DGKB: variants seen among roughly 807,000 people sequenced by gnomAD.
DGKB encodes 90 kDa diacylglycerol kinase.
A neutral mutation model predicts 114.3 loss-of-function variants in DGKB; 67 were observed. That is an observed-to-expected ratio of 0.59 (90% CI 0.48 to 0.72). DGKB has a LOEUF of 0.72. Among genes scored for constraint, DGKB ranks in the 30% least tolerant of loss-of-function variants. The pLI is 0.00. For missense variants in DGKB, 907 were observed against 975.2 expected (o/e 0.93, Z 0.93); for synonymous variants, 398 against 323.1 (o/e 1.23, Z -2.49).
chr7:14,223,951 C>T (rs958733702), intron 23 of DGKB, among the ~76,000 whole-genome samples: 1 of 151,498 alleles, frequency 6.6e-6, no homozygotes, highest in Non-Finnish European at 1.5e-5. Flanking sequence ...TTTTCCAGGT[C>T]CTTTTTTCCA....
chr7:14,288,558 T>C (rs917023280), intron 23 of DGKB, among the ~76,000 whole-genome samples: 2 of 152,042 alleles, frequency 1.3e-5, no homozygotes, highest in Non-Finnish European at 1.5e-5. Context: ...TTTTAATCAT[T>C]CATTACTCTC....
At chr7:14,387,100 A>G (rs1167555218) in intron 21 of DGKB, among the ~76,000 whole-genome samples, 1 of 133,190 alleles carries the variant, frequency 7.5e-6, no homozygotes, top group Non-Finnish European at 1.5e-5. Flanking sequence ...TCTTTTGATT[A>G]TTTATTTATT....
At chr7:14,307,528 C>G (rs578204329) in intron 23 of DGKB, among the ~76,000 whole-genome samples, 3 of 152,222 alleles carry the variant, frequency 2.0e-5, no homozygotes, top group East Asian at 1.9e-4. Context: ...AGGCAAAGAA[C>G]AGCTGGGACT....
At chr7:14,687,808 G>A (rs543946986) in intron 9 of DGKB, among the ~76,000 whole-genome samples, 4 of 152,272 alleles carry the variant, frequency 2.6e-5, no homozygotes, top group Admixed American at 1.3e-4. Flanking sequence ...CCTTTGAAGA[G>A]CACATATGGA....
intron 20 of DGKB, among the ~76,000 whole-genome samples, chr7:14,525,940 G>A (rs1272209686): frequency 6.6e-6 from 1 of 152,058 alleles, no homozygotes; most frequent in Admixed American, 6.6e-5. Flanking sequence ...AGTCAGTAAT[G>A]ATTTAGTATG....
chr7:14,304,083 A>ACT lies in DGKB; in HGVS notation c.2122+34431_2122+34432insAG, dbSNP rs1213674860. ...CACACACACACACACACACACACAC[A>ACT]CACACTCTCTCTCTCTCACCCCTAC... is the stretch of plus-strand genomic sequence containing the variant. On this transcript the variant is annotated intron_variant, in intron 23 of 25. Coordinates refer to ENST00000402815, the MANE Select transcript of DGKB (RefSeq NM_001350709.2). 3.0e-3 allele frequency among the ~76,000 whole-genome samples: 118 copies of ACT among 39,202 alleles called. 1 individual carries two copies. Among genetic ancestry groups the ACT allele is most frequent in the African/African-American group, 5.1e-3 (68 of 13,300 alleles). 25.7% of individuals were successfully genotyped at this position (39,202 alleles called of 152,430 possible). A position where few individuals can be genotyped will look rare whatever the true frequency, so the allele number is the denominator to read the frequency against.
intron 2 of DGKB, among the ~76,000 whole-genome samples, chr7:14,800,382 G>C (rs995505095): frequency 6.6e-6 from 1 of 152,198 alleles, no homozygotes; most frequent in African/African-American, 2.4e-5. Context: ...TGCTGGGGAA[G>C]GTGGATCCAC....
rs556876491 is a variant in DGKB at position 14,148,466 on chromosome 7, C to T, written c.*665G>A. 1 of 152,728 alleles carries T rather than the reference C, an allele frequency of 6.5e-6. No individual in the cohort carries two copies. The highest frequency in any genetic ancestry group is 6.5e-5 in the Admixed American group (1 of 15,282). 9.5% of individuals were successfully genotyped at this position (152,728 alleles called of 1,614,324 possible). ...TTGACTGTCAAGTAACATGTTTTCACTTATTTCTGGAATTAAAAAGAAAAC... is the reference window on the plus strand; with the variant it reads ...TTGACTGTCAAGTAACATGTTTTCATTTATTTCTGGAATTAAAAAGAAAAC... On this transcript the variant is annotated 3_prime_UTR_variant, in exon 26 of 26. Coordinates refer to ENST00000402815, the MANE Select transcript of DGKB (RefSeq NM_001350709.2).
chr7:14,776,147 G>A (rs907349592), intron 2 of DGKB, among the ~76,000 whole-genome samples: 1 of 152,010 alleles, frequency 6.6e-6, no homozygotes, highest in Non-Finnish European at 1.5e-5. Flanking sequence ...AGATACCTGT[G>A]GAAATTTGAA....
chr7:14,332,852 A>T (rs1464643622), intron 23 of DGKB, among the ~76,000 whole-genome samples: 1 of 152,110 alleles, frequency 6.6e-6, no homozygotes, highest in African/African-American at 2.4e-5. Flanking sequence ...ATAATATGTT[A>T]ATTAGTTTTT....
intron 1 of DGKB, among the ~76,000 whole-genome samples, chr7:14,910,032 C>T (rs1225593027): frequency 6.6e-6 from 1 of 151,806 alleles, no homozygotes; most frequent in Non-Finnish European, 1.5e-5. Context: ...CATGGTGAAA[C>T]CTTGCCTCCA....
At chr7:14,879,260 G>T (rs1340168160) in intron 1 of DGKB, among the ~76,000 whole-genome samples, 2 of 151,792 alleles carry the variant, frequency 1.3e-5, no homozygotes, top group African/African-American at 4.9e-5. Context: ...TTAGATTCCT[G>T]ATTTGTCTAT....
chr7:14,854,397 G>A (rs1040134002), intron 1 of DGKB, among the ~76,000 whole-genome samples: 2 of 152,136 alleles, frequency 1.3e-5, no homozygotes, highest in Non-Finnish European at 2.9e-5. Context: ...AACCTTTTTG[G>A]CACCAGGGAC....
intron 25 of DGKB, chr7:14,176,455 A>G (rs917639195): frequency 6.1e-6 from 6 of 990,800 alleles, no homozygotes; most frequent in African/African-American, 1.7e-5. Flanking sequence ...ATAAGTTCAC[A>G]TATAAGCTTA....
intron 2 of DGKB, among the ~76,000 whole-genome samples, chr7:14,802,587 TA>T (rs1842312559): frequency 6.6e-6 from 1 of 152,166 alleles, no homozygotes; most frequent in Admixed American, 6.6e-5. Flanking sequence ...CTTACCAAAT[TA>T]TGGTAGATGA....
intron 1 of DGKB, among the ~76,000 whole-genome samples, chr7:14,962,335 C>T (rs1004512518): frequency 6.6e-5 from 10 of 152,046 alleles, no homozygotes; most frequent in South Asian, 2.1e-4. Flanking sequence ...AAAAGATATC[C>T]GACCTTTCCT....
At chr7:14,951,758 ATTGAGGGGGG>A (rs1172662674) in intron 1 of DGKB, among the ~76,000 whole-genome samples, 1 of 152,008 alleles carries the variant, frequency 6.6e-6, no homozygotes, top group Non-Finnish European at 1.5e-5. Context: ...GAGAAGAGGC[ATTGAGGGGGG>A]TATATAGAAC....
At chr7:14,165,082 T>A (rs12699573) in intron 25 of DGKB, among the ~76,000 whole-genome samples, 54,488 of 151,736 alleles carry the variant, frequency 0.36, 9,721 homozygotes, top group East Asian at 0.41. Flanking sequence ...TGGATAGTAA[T>A]CTTCCTAAGC....
At chr7:14,216,463 C>G (rs10236487) in intron 23 of DGKB, among the ~76,000 whole-genome samples, 3 of 151,958 alleles carry the variant, frequency 2.0e-5, no homozygotes, top group Non-Finnish European at 4.4e-5. Context: ...CAGTGGCTCA[C>G]GCCTGTAATC....
Sources: gnomAD v4.1 joint callset for allele counts (sites outside exome capture counted in the v4.1 genomes callset) on GRCh38, gnomAD v4.1.1 for gene constraint, MANE v1.5 for transcripts, NCBI Gene and HGNC (gene_info 2026-07-23, HGNC 2026-07-21) for gene names.